The following ZP3 variants were observed in gnomAD, a reference collection of about 807,000 sequenced individuals.
ZP3 encodes the protein zona pellucida sperm-binding protein 3.
A neutral mutation model predicts 35.6 loss-of-function variants in ZP3; 21 were observed. That is an observed-to-expected ratio of 0.59 (90% confidence interval 0.42 to 0.85). The LOEUF (loss-of-function observed/expected upper bound fraction) is 0.85. Among genes scored for constraint, ZP3 ranks in the 40% least tolerant of loss-of-function variants. ZP3 has a pLI of 0.00. For synonymous variants in ZP3, 207 were observed against 214.5 expected (o/e 0.96, Z 0.31); for missense variants, 437 against 536.5 (o/e 0.81, Z 1.83).
chr7:76,407,865 A>C (rs1380618589), intron 1 of ZP3, among the ~76,000 whole-genome samples: 3 of 152,172 alleles, frequency 2.0e-5, no homozygotes, highest in Non-Finnish European at 4.4e-5. Flanking sequence ...GGTCTGATGC[A>C]TTGTGTGCAC....
rs1416204859 is a variant in ZP3 at position 76,438,414 on chromosome 7, C to T, written c.832-1836C>T. Among the ~76,000 whole-genome samples, 3 of 152,192 alleles carry T rather than the reference C, an allele frequency of 2.0e-5. No homozygotes were observed. In the East Asian group the frequency reaches 5.8e-4, roughly 29 times the overall value. On this transcript the variant is annotated intron_variant, in intron 5 of 7. Coordinates refer to ENST00000394857, the MANE Select transcript of ZP3 (RefSeq NM_001110354.2). ...CTCTACTACAAATACAAAAACTAGC[C>T]TGGTGTGGTGGTGGGTACCCGTAAT... is the stretch of plus-strand genomic sequence containing the variant.
Position 76,441,835 on chromosome 7 carries a change from T to C in ZP3, c.1061-7T>C, listed in dbSNP as rs1025348673. ...ATAACCCTTGGTTGTGTGTTCTCCTTTCACAGTGACAGAAGAAGCAGATGT... is the reference window on the plus strand; with the variant it reads ...ATAACCCTTGGTTGTGTGTTCTCCTCTCACAGTGACAGAAGAAGCAGATGT... On this transcript the variant is annotated splice_polypyrimidine_tract_variant and splice_region_variant and intron_variant, in intron 7 of 7. Transcript: ENST00000394857. 6.2e-7 allele frequency: 1 copy of C among 1,613,776 alleles called. No homozygotes were observed. The highest frequency in any genetic ancestry group is 8.5e-7 in the Non-Finnish European group (1 of 1,179,780).
upstream of ZP3, chr7:76,424,768 G>C (rs1805597967): frequency 1.1e-5 from 6 of 551,218 alleles, no homozygotes; most frequent in Non-Finnish European, 3.2e-6. Flanking sequence ...TCATGCTGGG[G>C]TGAAGGCTGA....
At chr7:76,397,523 C>T (rs751887721) in exon 1 of ZP3, 3 of 1,553,698 alleles carry the variant, frequency 1.9e-6, no homozygotes, top group Non-Finnish European at 1.7e-6. Flanking sequence ...CGCACCTGCG[C>T]AGAGCGCGCC....
chr7:76,439,273 T>C (rs1376399862), intron 5 of ZP3, among the ~76,000 whole-genome samples: 1 of 151,950 alleles, frequency 6.6e-6, no homozygotes, highest in East Asian at 1.9e-4. Flanking sequence ...AGTGACTACA[T>C]CCCTGAAGAA....
intron 1 of ZP3, chr7:76,400,909 A>T: frequency 6.8e-7 from 1 of 1,481,194 alleles, no homozygotes; most frequent in Non-Finnish European, 9.2e-7. Flanking sequence ...TCTAGAGTCA[A>T]GGGGGGCTGG....
intron 2 of ZP3, among the ~76,000 whole-genome samples, chr7:76,430,096 G>A (rs1805783573): frequency 6.6e-6 from 1 of 152,114 alleles, no homozygotes; most frequent in South Asian, 2.1e-4. Flanking sequence ...TATAATCCCA[G>A]CTACTTGGGA....
At chr7:76,432,532 T>A (rs1805862235) in intron 2 of ZP3, among the ~76,000 whole-genome samples, 2 of 152,054 alleles carry the variant, frequency 1.3e-5, no homozygotes. Context: ...TCCAGGCTGC[T>A]CTCAAACTCC....
At chr7:76,425,408 G>A in intron 1 of ZP3, 132 bp downstream of exon 1, 1 of 987,956 alleles carries the variant, frequency 1.0e-6, no homozygotes, top group South Asian at 1.7e-5. Context: ...AGGTGGCCCA[G>A]TTGAGGCCTG....
Position 76,425,066 on chromosome 7 carries a change from T to C in ZP3, c.102T>C (p.His34=). The change falls in exon 1 of 8, where the codon CAT becomes CAC. Residue 34 remains histidine (H), a synonymous_variant. Coordinates refer to ENST00000394857, the MANE Select transcript of ZP3 (RefSeq NM_001110354.2). ...GGCTCTTGCAGGGTGGAGCCAGCCA[T>C]CCTGAGACGTCCGTACAGCCCGTAC... is the stretch of plus-strand genomic sequence containing the variant. The part of the protein sequence containing the change: ...PLWLLQGGAS[H]PETSVQPVLV... 1 of 1,612,784 alleles carries C rather than the reference T, an allele frequency of 6.2e-7. No individual in the cohort carries two copies. The highest frequency in any genetic ancestry group is 8.5e-7 in the Non-Finnish European group (1 of 1,179,648).
At chr7:76,433,792 A>G in intron 4 of ZP3, 145 bp downstream of exon 4, 1 of 1,075,584 alleles carries the variant, frequency 9.3e-7, no homozygotes, top group Admixed American at 2.6e-5. Context: ...TCTGCCTCCC[A>G]GGTTTAAGTG....
chr7:76,408,813 T>G (rs1390805430), intron 1 of ZP3, among the ~76,000 whole-genome samples: 1 of 152,124 alleles, frequency 6.6e-6, no homozygotes, highest in African/African-American at 2.4e-5. Context: ...TTGAAAGCCC[T>G]CCCATCCCTT....
chr7:76,430,531 C>A (rs926074097), intron 2 of ZP3, among the ~76,000 whole-genome samples: 1 of 152,096 alleles, frequency 6.6e-6, no homozygotes, highest in Non-Finnish European at 1.5e-5. Flanking sequence ...GTAAGGAGTT[C>A]AGGACCAGCC....
Position 76,425,319 on chromosome 7 carries a change from G to A in ZP3, c.312+43G>A, listed in dbSNP as rs1379617154. 8 of 1,561,946 alleles carry A rather than the reference G, an allele frequency of 5.1e-6. No homozygotes were observed. In the African/African-American group the frequency reaches 8.1e-5, roughly 16 times the overall value. On this transcript the variant is annotated intron_variant, in intron 1 of 7. Coordinates refer to ENST00000394857, the MANE Select transcript of ZP3 (RefSeq NM_001110354.2). Reference sequence around the variant, plus strand: ...CCCTGGCTTTGGTGGGAGGATGTTCGAGGCAGCCGGGTATGGGGACTGTGG... The same window carrying A: ...CCCTGGCTTTGGTGGGAGGATGTTCAAGGCAGCCGGGTATGGGGACTGTGG...
In ZP3 at chr7:76,433,606, C is replaced by T. The variant is rs1385272656; in HGVS notation, c.672C>T (p.Asp224=). The T allele has an allele frequency of 5.0e-6, 8 of 1,613,732 alleles. No individual in the cohort carries two copies. Among genetic ancestry groups the T allele is most frequent in the Admixed American group, 1.7e-5 (1 of 59,948 alleles). Residue 224 remains aspartate, a synonymous_variant, in exon 4 of 8, where the codon GAC becomes GAT. Transcript: ENST00000394857. ...VDHCVATPTP[D]QNASPYHTIV... ...ACTGCGTGGCCACACCGACACCAGACCAGAATGCCTCCCCTTATCACACCA... is the reference window on the plus strand; with the variant it reads ...ACTGCGTGGCCACACCGACACCAGATCAGAATGCCTCCCCTTATCACACCA...
At chr7:76,424,127 C>T (rs915097613), upstream of ZP3, among the ~76,000 whole-genome samples, 3 of 152,174 alleles carry the variant, frequency 2.0e-5, no homozygotes, top group African/African-American at 7.2e-5. Flanking sequence ...TGTCTCAGAT[C>T]TAATCCCCCT....
chr7:76,440,341 G>C lies in ZP3; in HGVS notation c.923G>C (p.Ser308Thr). The C allele has an allele frequency of 6.2e-7, 1 of 1,601,014 alleles. No homozygotes were observed. The highest frequency in any genetic ancestry group is 8.5e-7 in the Non-Finnish European group (1 of 1,172,636). The change falls in exon 6 of 8, where the codon AGC becomes ACC. Residue 308 changes from serine (S) to threonine (T), a missense_variant and splice_region_variant. Around this residue, in one of 6 missense-constraint regions of ZP3, gnomAD observed 26 missense variants for 78.2 expected, o/e 0.33. Transcript: ENST00000394857. ...TGTTCCTTCAGCAAGCCTTCCAACA[G>C]GTGAGGAGGACAGGTGCTCCGTGAC... The part of the protein sequence containing the change: ...KACSFSKPSN[S>T]WFPVEGSADI...
At chr7:76,435,669 T>C (rs1384463309) in intron 5 of ZP3, among the ~76,000 whole-genome samples, 2 of 152,184 alleles carry the variant, frequency 1.3e-5, no homozygotes, top group Admixed American at 1.3e-4. Flanking sequence ...TAAATCTTCA[T>C]AGGTGTTTGC....
At position 76,440,093 on chromosome 7, in the gene ZP3, C is replaced by T. The variant is rs564720032; in HGVS notation, c.832-157C>T. 1.7e-4 allele frequency: 237 copies of T among 1,398,936 alleles called. No individual in the cohort carries two copies. In the African/African-American group the frequency reaches 2.1e-3, roughly 13 times the overall value. The allele number at this position is 1,398,936 out of a possible 1,614,324, so 86.7% of individuals were successfully genotyped here. A position where few individuals can be genotyped will look rare whatever the true frequency, so the allele number is the denominator to read the frequency against. On this transcript the variant is annotated intron_variant, in intron 5 of 7. Coordinates refer to ENST00000394857, the MANE Select transcript of ZP3 (RefSeq NM_001110354.2). Reference sequence around the variant, plus strand: ...AACTCCTGACCTCAGGTGATCTACCCGCCTTGGGCTCCCAAAGTGCTGGGA... The same window carrying T: ...AACTCCTGACCTCAGGTGATCTACCTGCCTTGGGCTCCCAAAGTGCTGGGA...
Sources: allele counts gnomAD v4.1 joint callset (sites outside exome capture counted in the v4.1 genomes callset), GRCh38; gene constraint gnomAD v4.1.1; regional missense constraint gnomAD v4.1.1; transcripts MANE v1.5; gene names NCBI Gene and HGNC (gene_info 2026-07-23, HGNC 2026-07-21).